The following YAP1 variants were observed in gnomAD, a reference collection of about 807,000 sequenced individuals.
YAP1 encodes the protein Yes1 associated transcriptional regulator.
Under a neutral mutation model 56.9 loss-of-function variants are expected in YAP1, and 5 were observed. That is an observed-to-expected ratio of 0.09 (90% CI 0.05 to 0.18). The LOEUF (loss-of-function observed/expected upper bound fraction) is 0.18. Among genes scored for constraint, YAP1 ranks in the 10% least tolerant of loss-of-function variants. YAP1 has a pLI of 1.00. For synonymous variants in YAP1, 265 were observed against 248.1 expected, an observed-to-expected ratio of 1.07 and a Z score of -0.64; for missense variants, 539 against 651.8, an observed-to-expected ratio of 0.83 and a Z score of 1.88.
chr11:102,226,811 T>C (rs1199669978), intron 7 of YAP1, among the ~76,000 whole-genome samples: 1 of 152,218 alleles, frequency 6.6e-6, no homozygotes, highest in Non-Finnish European at 1.5e-5. Context: ...CTGAAGTGTT[T>C]GAGGCTTTTT....
intron 3 of YAP1, among the ~76,000 whole-genome samples, chr11:102,179,317 C>G (rs1051599173): frequency 6.6e-6 from 1 of 152,026 alleles, no homozygotes; most frequent in Non-Finnish European, 1.5e-5. Context: ...GCCCAGCTTT[C>G]GAGTGTGTAA....
At chr11:102,139,294 G>A (rs990914845) in intron 2 of YAP1, among the ~76,000 whole-genome samples, 3 of 151,862 alleles carry the variant, frequency 2.0e-5, no homozygotes, top group Admixed American at 6.5e-5. Context: ...GGTCTATGAA[G>A]AGGCTTTGCG....
intron 3 of YAP1, among the ~76,000 whole-genome samples, 199 bp from the exon 4 acceptor site, chr11:102,185,819 A>T (rs1429217245): frequency 6.6e-6 from 1 of 152,068 alleles, no homozygotes; most frequent in Non-Finnish European, 1.5e-5. Flanking sequence ...TATTCATTTT[A>T]TTATTTGGTG....
chr11:102,111,434 CCCT>C (rs1172044882), intron 1 of YAP1, among the ~76,000 whole-genome samples: 16 of 152,014 alleles, frequency 1.1e-4, no homozygotes, highest in African/African-American at 3.6e-4. Flanking sequence ...GGCGTGCTTT[CCCT>C]CCTTCTTCCT....
chr11:102,184,797 A>T (rs1051984867), intron 3 of YAP1, among the ~76,000 whole-genome samples: 3 of 152,106 alleles, frequency 2.0e-5, no homozygotes, highest in African/African-American at 7.2e-5. Context: ...TCTGTGGGAG[A>T]TGAGTGAAAA....
At chr11:102,208,611 A>G (rs760874647) in intron 5 of YAP1, among the ~76,000 whole-genome samples, 2 of 152,222 alleles carry the variant, frequency 1.3e-5, no homozygotes, top group Non-Finnish European at 2.9e-5. Context: ...CATCAAAAAT[A>G]TAATTACATG....
intron 2 of YAP1, among the ~76,000 whole-genome samples, chr11:102,139,053 GT>G (rs563534544): frequency 0.015 from 2,223 of 145,532 alleles, 30 homozygotes; most frequent in Non-Finnish European, 0.02. Flanking sequence ...ATGAAAACAA[GT>G]TTTTTTTTTT....
At chr11:102,111,336 C>T (rs898297428) in intron 1 of YAP1, among the ~76,000 whole-genome samples, 167 bp downstream of exon 1, 1 of 152,096 alleles carries the variant, frequency 6.6e-6, no homozygotes, top group African/African-American at 2.4e-5. Context: ...CACTCCGCCG[C>T]GGTGACCAGC....
intron 2 of YAP1, among the ~76,000 whole-genome samples, chr11:102,154,682 C>A (rs1379781563): frequency 6.6e-6 from 1 of 152,120 alleles, no homozygotes; most frequent in Non-Finnish European, 1.5e-5. Context: ...CTGTCATAGT[C>A]CTACGTGTAA....
chr11:102,130,270 G>A (rs1444835273), intron 2 of YAP1, among the ~76,000 whole-genome samples: 1 of 152,134 alleles, frequency 6.6e-6, no homozygotes, highest in Non-Finnish European at 1.5e-5. Flanking sequence ...ATAAGGAAGT[G>A]TGTCAGAATA....
chr11:102,198,873 T>C (rs770979282), intron 4 of YAP1, among the ~76,000 whole-genome samples: 4 of 152,156 alleles, frequency 2.6e-5, no homozygotes, highest in Admixed American at 6.5e-5. Flanking sequence ...GATCCTCTTA[T>C]ATCGTTGGCT....
At chr11:102,115,052 G>A (rs1005595969) in intron 2 of YAP1, among the ~76,000 whole-genome samples, 1 of 152,120 alleles carries the variant, frequency 6.6e-6, no homozygotes, top group Non-Finnish European at 1.5e-5. Context: ...ACAAAAACAT[G>A]ACCGTTGGGT....
At chr11:102,182,764 T>C (rs898414644) in intron 3 of YAP1, among the ~76,000 whole-genome samples, 3 of 152,214 alleles carry the variant, frequency 2.0e-5, no homozygotes, top group African/African-American at 4.8e-5. Context: ...CAGCTTTCTT[T>C]CAGTACAAAG....
intron 2 of YAP1, among the ~76,000 whole-genome samples, chr11:102,114,831 A>G (rs1311143284): frequency 6.6e-6 from 1 of 152,222 alleles, no homozygotes; most frequent in Non-Finnish European, 1.5e-5. Flanking sequence ...GAACTACAAA[A>G]TAAGTAGGGC....
At chr11:102,147,914 G>A (rs551729531) in intron 2 of YAP1, among the ~76,000 whole-genome samples, 16 of 152,246 alleles carry the variant, frequency 1.1e-4, no homozygotes, top group African/African-American at 3.6e-4. Context: ...AGAGATATTA[G>A]AATGATAGTC....
chr11:102,180,067 T>C (rs920497543), intron 3 of YAP1, among the ~76,000 whole-genome samples: 2 of 145,774 alleles, frequency 1.4e-5, no homozygotes, highest in Non-Finnish European at 3.0e-5. Flanking sequence ...TGGAGTGCAA[T>C]GGCACAATCT....
At chr11:102,114,048 A>G (rs1306630322) in intron 1 of YAP1, 96 bp from the exon 2 acceptor site, 3 of 1,337,070 alleles carry the variant, frequency 2.2e-6, no homozygotes, top group African/African-American at 1.5e-5. Flanking sequence ...TTTGGTACTT[A>G]GATATTCGGC....
At position 102,110,533 on chromosome 11, in the gene YAP1, A is replaced by C; in HGVS notation, c.-316A>C. ...AAATAAAGAGAAAGGGGAGGCGGGG[A>C]AAGGCAACGAGCTGTCCGGCCTCCG... On this transcript the variant is annotated 5_prime_UTR_variant, in exon 1 of 9. Transcript: ENST00000282441. 1 of 184,438 alleles carries C rather than the reference A, an allele frequency of 5.4e-6. No individual in the cohort carries two copies. 11.4% of individuals were successfully genotyped at this position (184,438 alleles called of 1,614,324 possible). A position where few individuals can be genotyped will look rare whatever the true frequency, so the allele number is the denominator to read the frequency against.
In YAP1 at chr11:102,171,759, A is replaced by T. The variant is rs115486427; in HGVS notation, c.688+9188A>T. Among the ~76,000 whole-genome samples, 706 of 152,320 alleles carry T rather than the reference A, an allele frequency of 4.6e-3. 6 individuals are homozygous for T. Among genetic ancestry groups the T allele is most frequent in the African/African-American group, 0.016 (675 of 41,558 alleles). On this transcript the variant is annotated intron_variant, in intron 3 of 8. Transcript: ENST00000282441. Reference sequence around the variant, plus strand: ...GGAAAATGATTTTTTAAGCAGTTTCATAGTTTTACCTTGAGATAATAGTAT... The same window carrying T: ...GGAAAATGATTTTTTAAGCAGTTTCTTAGTTTTACCTTGAGATAATAGTAT...
Sources: gnomAD v4.1 joint callset for allele counts (sites outside exome capture counted in the v4.1 genomes callset) on GRCh38, gnomAD v4.1.1 for gene constraint, MANE v1.5 for transcripts, NCBI Gene and HGNC (gene_info 2026-07-23, HGNC 2026-07-21) for gene names.